Variants in TMEM132D observed in about 807,000 individuals in gnomAD.
The protein encoded by TMEM132D is mature OL transmembrane protein.
A neutral mutation model predicts 62.3 loss-of-function variants in TMEM132D; 21 were observed. The observed-to-expected ratio is 0.34, with a 90% CI of 0.24 to 0.49. The LOEUF is 0.49. Among genes scored for constraint, TMEM132D ranks in the 20% least tolerant of loss-of-function variants. The pLI is 0.99. For synonymous variants in TMEM132D, 621 were observed against 575.6 expected (o/e 1.08, Z -1.13); for missense variants, 1,346 against 1,402.8 (o/e 0.96, Z 0.65).
intron 1 of TMEM132D, among the ~76,000 whole-genome samples, chr12:129,732,201 A>G (rs1235745055): frequency 6.6e-6 from 1 of 152,146 alleles, no homozygotes; most frequent in African/African-American, 2.4e-5. Context: ...ACATGTGACA[A>G]TGCTGGTGGT....
chr12:129,462,517 T>C (rs947953874), intron 3 of TMEM132D, among the ~76,000 whole-genome samples: 2 of 152,144 alleles, frequency 1.3e-5, no homozygotes, highest in African/African-American at 4.8e-5. Context: ...TAGGACAGGA[T>C]TTTACCACTG....
At chr12:129,859,383 A>G (rs1055914063) in intron 1 of TMEM132D, among the ~76,000 whole-genome samples, 1 of 152,232 alleles carries the variant, frequency 6.6e-6, no homozygotes, top group Non-Finnish European at 1.5e-5. Flanking sequence ...TCGGCTCAAA[A>G]TGATTAAGAC....
intron 5 of TMEM132D, among the ~76,000 whole-genome samples, chr12:129,185,769 G>GTCTATCTATCTA (rs1271637169): frequency 2.2e-4 from 23 of 103,076 alleles, no homozygotes; most frequent in Non-Finnish European, 4.5e-4. Context: ...TCATCTGTCT[G>GTCTATCTATCTA]TCTGTCTATC....
intron 4 of TMEM132D, among the ~76,000 whole-genome samples, chr12:129,314,133 G>A (rs908506929): frequency 3.3e-5 from 5 of 151,942 alleles, no homozygotes; most frequent in African/African-American, 9.7e-5. Flanking sequence ...GATTGTGAAG[G>A]TTTTCTCCCC....
At chr12:129,473,015 C>T (rs1283203679) in intron 3 of TMEM132D, among the ~76,000 whole-genome samples, 1 of 152,100 alleles carries the variant, frequency 6.6e-6, no homozygotes, top group African/African-American at 2.4e-5. Flanking sequence ...CAGGCATGTG[C>T]CACCACGCCC....
rs117397176 is a variant in TMEM132D at position 129,392,522 on chromosome 12, A to T, written c.1116-54705T>A. Among the ~76,000 whole-genome samples, 12 of 152,328 alleles carry T rather than the reference A, an allele frequency of 7.9e-5. No individual in the cohort carries two copies. The East Asian group carries it at 2.3e-3, about 29-fold the overall frequency. ...ATGGGCCTGCACATCCACATGCAGC[A>T]TGCGCTTGTTGACAACACCCTCCCT... On this transcript the variant is annotated intron_variant, in intron 3 of 8. Coordinates refer to ENST00000422113, the MANE Select transcript of TMEM132D (RefSeq NM_133448.3).
chr12:129,675,631 C>A (rs1421622966), intron 2 of TMEM132D, among the ~76,000 whole-genome samples: 1 of 152,140 alleles, frequency 6.6e-6, no homozygotes, highest in Non-Finnish European at 1.5e-5. Flanking sequence ...TTCCTCAGGG[C>A]AATGATTTCC....
intron 4 of TMEM132D, among the ~76,000 whole-genome samples, chr12:129,252,144 C>A (rs1478518921): frequency 6.6e-6 from 1 of 152,106 alleles, no homozygotes; most frequent in Non-Finnish European, 1.5e-5. Flanking sequence ...AGTTAAGATC[C>A]TTTCTGGCTT....
At chr12:129,114,458 ATCTCT>A (rs894908340) in intron 5 of TMEM132D, among the ~76,000 whole-genome samples, 2 of 140,124 alleles carry the variant, frequency 1.4e-5, no homozygotes, top group South Asian at 2.3e-4. Context: ...TTCTTTTCTC[ATCTCT>A]TCTCTTCTCC....
intron 2 of TMEM132D, among the ~76,000 whole-genome samples, chr12:129,638,096 G>C (rs553194606): frequency 6.6e-6 from 1 of 152,190 alleles, no homozygotes; most frequent in Non-Finnish European, 1.5e-5. Flanking sequence ...CAAATCAGCC[G>C]TCCAGCCAGG....
intron 4 of TMEM132D, among the ~76,000 whole-genome samples, chr12:129,237,251 T>C (rs1033742682): frequency 1.3e-5 from 2 of 152,202 alleles, no homozygotes; most frequent in Non-Finnish European, 2.9e-5. Flanking sequence ...ATTCTTATTT[T>C]TCTCTTTTTG....
chr12:129,707,034 C>T (rs1445429781), intron 1 of TMEM132D, among the ~76,000 whole-genome samples: 1 of 149,962 alleles, frequency 6.7e-6, no homozygotes, highest in Non-Finnish European at 1.5e-5. Context: ...AATGAGAAAC[C>T]CAAAACAAAA....
intron 2 of TMEM132D, among the ~76,000 whole-genome samples, chr12:129,549,725 A>G (rs1299984024): frequency 6.6e-6 from 1 of 152,226 alleles, no homozygotes; most frequent in Non-Finnish European, 1.5e-5. Flanking sequence ...TGTTTGGCCA[A>G]TGAACTGTGA....
intron 2 of TMEM132D, among the ~76,000 whole-genome samples, chr12:129,658,581 G>A (rs1471445769): frequency 6.6e-6 from 1 of 152,064 alleles, no homozygotes; most frequent in Non-Finnish European, 1.5e-5. Flanking sequence ...CTGAAACTTG[G>A]GGTGGCCTCA....
intron 3 of TMEM132D, among the ~76,000 whole-genome samples, chr12:129,442,302 G>A (rs996966489): frequency 4.6e-5 from 7 of 152,198 alleles, no homozygotes; most frequent in African/African-American, 1.2e-4. Flanking sequence ...TGTGAGCACC[G>A]TGCGGGCAAC....
Position 129,779,494 on chromosome 12 carries a change from G to T in TMEM132D, c.80-78796C>A, listed in dbSNP as rs534617812. On this transcript the variant is annotated intron_variant, in intron 1 of 8. Coordinates refer to ENST00000422113, the MANE Select transcript of TMEM132D (RefSeq NM_133448.3). This position sits in a 1 kb window ranked among gnomAD's most constrained non-coding sequence, Gnocchi z 4.1. The stretch of plus-strand genomic sequence containing the variant: ...ATGAGGTCTCATCATATTGTCCCAG[G>T]CTGGTCTCAAACTCATGGACTCAAA... Among the ~76,000 whole-genome samples, 2 of 152,222 alleles carry T rather than the reference G, an allele frequency of 1.3e-5. No individual in the cohort carries two copies. The highest frequency in any genetic ancestry group is 4.1e-4 in the South Asian group (2 of 4,822).
chr12:129,476,954 T>C (rs117336012), intron 3 of TMEM132D, among the ~76,000 whole-genome samples: 419 of 152,354 alleles, frequency 2.8e-3, no homozygotes, highest in South Asian at 7.7e-3. Flanking sequence ...AAAACCCTGA[T>C]TGTGACAACC....
At chr12:129,502,341 T>TTGGC (rs1875176964) in intron 3 of TMEM132D, among the ~76,000 whole-genome samples, 1 of 152,182 alleles carries the variant, frequency 6.6e-6, no homozygotes, top group Non-Finnish European at 1.5e-5. Context: ...ATTGCTACCA[T>TTGGC]CAAGGTTGAA....
chr12:129,575,075 C>T (rs1877622222), intron 2 of TMEM132D, among the ~76,000 whole-genome samples: 1 of 151,798 alleles, frequency 6.6e-6, no homozygotes, highest in African/African-American at 2.4e-5. Flanking sequence ...ACCCTCTTAC[C>T]ACCTGGAACA....
Sources: allele counts gnomAD v4.1 joint callset (sites outside exome capture counted in the v4.1 genomes callset), GRCh38; gene constraint gnomAD v4.1.1; non-coding constraint Gnocchi (gnomAD v3.1); transcripts MANE v1.5; gene names NCBI Gene and HGNC (gene_info 2026-07-23, HGNC 2026-07-21).